LPP: variants seen among roughly 807,000 people sequenced by gnomAD.
The protein encoded by LPP is lipoma-preferred partner.
A neutral mutation model predicts 60.4 loss-of-function variants in LPP; 38 were observed. The ratio of observed to expected loss-of-function variants is 0.63; its 90% CI spans 0.49 to 0.83. The LOEUF (loss-of-function observed/expected upper bound fraction) is 0.83, where lower values mean the gene tolerates loss of function less well. Among genes scored for constraint, LPP ranks in the 40% least tolerant of loss-of-function variants. LPP has a pLI of 0.00. For missense variants in LPP, 902 were observed against 783.6 expected, an observed-to-expected ratio of 1.15 and a Z score of -1.80; for synonymous variants, 328 against 290.8, an observed-to-expected ratio of 1.13 and a Z score of -1.30.
intron 9 of LPP, among the ~76,000 whole-genome samples, chr3:188,837,382 C>CATCATAATA (rs370487700): frequency 0.057 from 8,023 of 140,316 alleles, 335 homozygotes; most frequent in Non-Finnish European, 0.082. Flanking sequence ...CCATCTCAAA[C>CATCATAATA]ATAATAATAA....
Position 188,646,134 on chromosome 3 carries a change from A to T in LPP, c.1113+36290A>T, listed in dbSNP as rs144888224. On this transcript the variant is annotated intron_variant, in intron 7 of 11. Transcript: ENST00000617246. Reference sequence around the variant, plus strand: ...AGGGTTGTTGTTAGGAAGAAATGATATTATGGATATTGTGTTTCAGCCTGC... The same window carrying T: ...AGGGTTGTTGTTAGGAAGAAATGATTTTATGGATATTGTGTTTCAGCCTGC... Among the ~76,000 whole-genome samples the T allele has an allele frequency of 3.0e-4, 45 of 152,318 alleles. No individual in the cohort carries two copies. The East Asian group carries it at 8.1e-3, about 27-fold the overall frequency.
At chr3:188,306,084 T>G (rs985471900) in intron 2 of LPP, among the ~76,000 whole-genome samples, 1 of 152,274 alleles carries the variant, frequency 6.6e-6, no homozygotes, top group African/African-American at 2.4e-5. Context: ...CTTTTTCTTT[T>G]CTTTTATTTT....
intron 2 of LPP, among the ~76,000 whole-genome samples, chr3:188,268,878 A>G (rs1016186472): frequency 2.0e-5 from 3 of 152,064 alleles, no homozygotes; most frequent in Non-Finnish European, 4.4e-5. Context: ...TTACAGGCCT[A>G]TTTCATCTTC....
intron 6 of LPP, among the ~76,000 whole-genome samples, chr3:188,601,959 T>C (rs1841282628): frequency 6.6e-6 from 1 of 150,462 alleles, no homozygotes; most frequent in South Asian, 2.1e-4. Context: ...TCCCAGCTAT[T>C]TGAGAGGCTT....
At chr3:188,720,412 T>C (rs1715857231) in intron 8 of LPP, among the ~76,000 whole-genome samples, 1 of 152,106 alleles carries the variant, frequency 6.6e-6, no homozygotes, top group South Asian at 2.1e-4. Flanking sequence ...AATGTATTCT[T>C]TTCCATCCCG....
At chr3:188,273,447 C>G (rs566007355) in intron 2 of LPP, among the ~76,000 whole-genome samples, 6 of 152,292 alleles carry the variant, frequency 3.9e-5, no homozygotes, top group African/African-American at 1.2e-4. Flanking sequence ...ACCATAAACC[C>G]TAAGCCAAGG....
At chr3:188,253,073 CT>C (rs113892337) in intron 2 of LPP, among the ~76,000 whole-genome samples, 2,814 of 136,464 alleles carry the variant, frequency 0.021, 52 homozygotes, top group African/African-American at 0.056. Flanking sequence ...GTGCTCAGTC[CT>C]TTTTTTTTTT....
chr3:188,497,224 G>A (rs1057050017), intron 5 of LPP, among the ~76,000 whole-genome samples: 1 of 152,056 alleles, frequency 6.6e-6, no homozygotes, highest in African/African-American at 2.4e-5. Flanking sequence ...CTGAACTGTA[G>A]ATGACACATC....
chr3:188,706,468 G>A (rs1376979484), intron 7 of LPP, among the ~76,000 whole-genome samples: 1 of 152,098 alleles, frequency 6.6e-6, no homozygotes, highest in Non-Finnish European at 1.5e-5. Context: ...AGCCTTCTGC[G>A]TGTCTGTACT....
At chr3:188,503,371 A>G (rs926827036) in intron 5 of LPP, among the ~76,000 whole-genome samples, 1 of 152,194 alleles carries the variant, frequency 6.6e-6, no homozygotes, top group Non-Finnish European at 1.5e-5. Context: ...GGGCTTACCA[A>G]TCAAATTACA....
chr3:188,653,978 T>C (rs1371000669), intron 7 of LPP, among the ~76,000 whole-genome samples: 1 of 152,210 alleles, frequency 6.6e-6, no homozygotes, highest in African/African-American at 2.4e-5. Flanking sequence ...AGGATTATCA[T>C]GCCAGCATCC....
At chr3:188,240,283 A>G (rs1723659605) in intron 2 of LPP, 2 of 170,060 alleles carry the variant, frequency 1.2e-5, no homozygotes, top group Admixed American at 6.4e-5. Context: ...GGGTAGGAAT[A>G]GCTTACAGCT....
chr3:188,740,902 T>C (rs1354615485), intron 8 of LPP, among the ~76,000 whole-genome samples: 2 of 152,034 alleles, frequency 1.3e-5, no homozygotes, highest in Non-Finnish European at 2.9e-5. Flanking sequence ...ATCCTGTGCC[T>C]ATTCTCAGTT....
chr3:188,585,465 T>A (rs1332028507), intron 6 of LPP, among the ~76,000 whole-genome samples: 2 of 152,172 alleles, frequency 1.3e-5, no homozygotes, highest in Admixed American at 6.5e-5. Flanking sequence ...GGGAGTATAG[T>A]AGAAAAGATT....
chr3:188,513,808 A>T (rs1205517666), intron 5 of LPP, among the ~76,000 whole-genome samples: 1 of 152,054 alleles, frequency 6.6e-6, no homozygotes, highest in East Asian at 1.9e-4. Context: ...TTTAACCATG[A>T]CCCTGCCCTT....
chr3:188,687,549 G>A (rs1367430512), intron 7 of LPP, among the ~76,000 whole-genome samples: 1 of 152,116 alleles, frequency 6.6e-6, no homozygotes, highest in South Asian at 2.1e-4. Context: ...GAAGGTGCCT[G>A]CTTCCCCTTC....
intron 3 of LPP, among the ~76,000 whole-genome samples, chr3:188,404,647 C>T (rs1205362758): frequency 6.6e-6 from 1 of 152,200 alleles, no homozygotes; most frequent in East Asian, 1.9e-4. Flanking sequence ...CCAGGCAACA[C>T]TGTTTCCCAG....
At chr3:188,772,196 C>T (rs1447197213) in intron 9 of LPP, among the ~76,000 whole-genome samples, 1 of 152,176 alleles carries the variant, frequency 6.6e-6, no homozygotes, top group Non-Finnish European at 1.5e-5. Context: ...AACACTTGCC[C>T]AAGGTGAGGA....
At chr3:188,514,880 T>A (rs937781745) in intron 5 of LPP, among the ~76,000 whole-genome samples, 4 of 152,208 alleles carry the variant, frequency 2.6e-5, no homozygotes, top group African/African-American at 9.7e-5. Flanking sequence ...CTCAGTGTTC[T>A]GAAATGGAGT....
Sources: gnomAD v4.1 joint callset for allele counts (sites outside exome capture counted in the v4.1 genomes callset) on GRCh38, gnomAD v4.1.1 for gene constraint, MANE v1.5 for transcripts, NCBI Gene and HGNC (gene_info 2026-07-23, HGNC 2026-07-21) for gene names.